MACROD2: variants seen among roughly 807,000 people sequenced by gnomAD.
The protein encoded by MACROD2 is mono-ADP ribosylhydrolase 2.
MACROD2 carries 36 observed loss-of-function variants against 70.4 expected under a neutral mutation model. That is an observed-to-expected ratio of 0.51 (90% CI 0.39 to 0.68). The LOEUF is 0.68. Among genes scored for constraint, MACROD2 ranks in the 30% least tolerant of loss-of-function variants. The pLI, the probability that MACROD2 is intolerant of heterozygous loss-of-function variation, is 0.00. For synonymous variants in MACROD2, 172 were observed against 178.8 expected (o/e 0.96, Z 0.30); for missense variants, 496 against 538.4 (o/e 0.92, Z 0.78).
At chr20:14,593,887 A>G (rs1196941218) in intron 4 of MACROD2, among the ~76,000 whole-genome samples, 1 of 152,214 alleles carries the variant, frequency 6.6e-6, no homozygotes, top group Non-Finnish European at 1.5e-5. Flanking sequence ...GTTTACTTGC[A>G]TGAATGGGTC....
At chr20:15,141,795 C>T (rs1320622901) in intron 5 of MACROD2, among the ~76,000 whole-genome samples, 2 of 152,080 alleles carry the variant, frequency 1.3e-5, no homozygotes. Flanking sequence ...TTTGCTAGAT[C>T]CTTACTGTGT....
intron 13 of MACROD2, 128 bp downstream of exon 13, chr20:15,967,758 A>T: frequency 1.4e-6 from 1 of 701,872 alleles, no homozygotes; most frequent in Non-Finnish European, 2.2e-6. Flanking sequence ...CTTTATTAGC[A>T]CTGAATACCA....
chr20:15,734,107 G>C (rs1437482725), intron 8 of MACROD2, among the ~76,000 whole-genome samples: 2 of 152,178 alleles, frequency 1.3e-5, no homozygotes, highest in Admixed American at 1.3e-4. Flanking sequence ...ATTTTACAGA[G>C]GGTGTTTTGA....
At chr20:15,062,876 C>T (rs762239737) in intron 5 of MACROD2, among the ~76,000 whole-genome samples, 1 of 152,164 alleles carries the variant, frequency 6.6e-6, no homozygotes, top group Non-Finnish European at 1.5e-5. Context: ...TTGCCTCCTG[C>T]ACTGGTGTCC....
chr20:15,752,456 A>G (rs951546396), intron 8 of MACROD2, among the ~76,000 whole-genome samples: 9 of 152,110 alleles, frequency 5.9e-5, no homozygotes, highest in African/African-American at 2.2e-4. Context: ...TGTCAGTGGC[A>G]GGAAAAGAAT....
chr20:14,660,927 A>G lies in MACROD2; in HGVS notation c.302-23916A>G, dbSNP rs561059180. ...GTGTAGTATTCCATGGTACATATGT[A>G]CCACATTTCCTTTATCTAATCTACC... On this transcript the variant is annotated intron_variant, in intron 4 of 17. Coordinates refer to ENST00000684519, the MANE Select transcript of MACROD2 (RefSeq NM_001351661.2). 5.9e-5 allele frequency among the ~76,000 whole-genome samples: 9 copies of G among 152,066 alleles called. No homozygotes were observed. The East Asian group carries it at 9.7e-4, about 16-fold the overall frequency.
At chr20:14,816,865 A>G (rs1411954917) in intron 5 of MACROD2, among the ~76,000 whole-genome samples, 1 of 151,960 alleles carries the variant, frequency 6.6e-6, no homozygotes, top group African/African-American at 2.4e-5. Context: ...TGAGTTGTGT[A>G]AACTGAAAAA....
chr20:14,006,739 A>G (rs564493765), intron 2 of MACROD2, among the ~76,000 whole-genome samples: 1 of 151,068 alleles, frequency 6.6e-6, no homozygotes, highest in African/African-American at 2.4e-5. Context: ...CCTCCCTTAT[A>G]ATTTATTTGT....
intron 5 of MACROD2, among the ~76,000 whole-genome samples, chr20:15,216,442 GCTTA>G (rs2076810959): frequency 6.6e-6 from 1 of 152,038 alleles, no homozygotes; most frequent in Non-Finnish European, 1.5e-5. Flanking sequence ...ATAAAAAACA[GCTTA>G]CTTATGGAGG....
At chr20:15,551,805 G>T (rs939678212) in intron 8 of MACROD2, among the ~76,000 whole-genome samples, 1 of 148,956 alleles carries the variant, frequency 6.7e-6, no homozygotes, top group Non-Finnish European at 1.5e-5. Context: ...GGAGGTCAAG[G>T]CTGCAGTGAG....
chr20:16,037,023 A>G (rs1226722283), intron 15 of MACROD2, among the ~76,000 whole-genome samples: 1 of 151,970 alleles, frequency 6.6e-6, no homozygotes, highest in Non-Finnish European at 1.5e-5. Context: ...CAGAGCTACA[A>G]CTTTGATTTC....
chr20:15,015,636 T>C (rs1216332248), intron 5 of MACROD2, among the ~76,000 whole-genome samples: 1 of 152,160 alleles, frequency 6.6e-6, no homozygotes, highest in African/African-American at 2.4e-5. Context: ...GAAGGCAACA[T>C]GGGTTAAGAT....
At chr20:14,188,071 T>A (rs2081358745) in intron 3 of MACROD2, among the ~76,000 whole-genome samples, 1 of 152,132 alleles carries the variant, frequency 6.6e-6, no homozygotes, top group South Asian at 2.1e-4. Context: ...AAAACCAGAT[T>A]ATGAAAAACT....
chr20:15,259,128 T>C (rs1320253103), intron 6 of MACROD2, among the ~76,000 whole-genome samples: 1 of 152,006 alleles, frequency 6.6e-6, no homozygotes, highest in African/African-American at 2.4e-5. Flanking sequence ...TTTCCCCCCA[T>C]ACAACATTCT....
intron 5 of MACROD2, among the ~76,000 whole-genome samples, chr20:15,021,106 G>A (rs376689831): frequency 0.039 from 3,849 of 99,216 alleles, 505 homozygotes; most frequent in Admixed American, 0.05. Context: ...GTGTATACAC[G>A]TGTATGTGTA....
At chr20:15,372,041 G>A (rs16995635) in intron 6 of MACROD2, among the ~76,000 whole-genome samples, 11,611 of 152,102 alleles carry the variant, frequency 0.076, 485 homozygotes, top group East Asian at 0.17. Context: ...TATTTTTTGT[G>A]TGAACACGTA....
chr20:14,588,774 T>C (rs947837042), intron 4 of MACROD2, among the ~76,000 whole-genome samples: 6 of 152,186 alleles, frequency 3.9e-5, no homozygotes, highest in Admixed American at 3.9e-4. Context: ...GGCTATATAT[T>C]ATCTACGTTA....
chr20:15,127,264 G>A (rs962055463), intron 5 of MACROD2, among the ~76,000 whole-genome samples: 1 of 152,014 alleles, frequency 6.6e-6, no homozygotes, highest in Non-Finnish European at 1.5e-5. Context: ...CTAGAAAGAA[G>A]ACAGTAAAGC....
At chr20:14,163,835 C>A (rs977806343) in intron 3 of MACROD2, among the ~76,000 whole-genome samples, 6 of 151,480 alleles carry the variant, frequency 4.0e-5, no homozygotes, top group African/African-American at 1.2e-4. Flanking sequence ...TGGTAAATTT[C>A]TCATTTATAT....
Sources: gnomAD v4.1 joint callset for allele counts (sites outside exome capture counted in the v4.1 genomes callset) on GRCh38, gnomAD v4.1.1 for gene constraint, MANE v1.5 for transcripts, NCBI Gene and HGNC (gene_info 2026-07-23, HGNC 2026-07-21) for gene names.